NT5E: variants seen among roughly 807,000 people sequenced by gnomAD.
NT5E encodes 5'-nucleotidase.
NT5E carries 53 observed loss-of-function variants against 55.1 expected under a neutral mutation model. The ratio of observed to expected loss-of-function variants is 0.96; its 90% CI spans 0.77 to 1.21. NT5E has a LOEUF of 1.21. Ranked by LOEUF, NT5E falls within the 50% of genes most tolerant of loss-of-function variation. The pLI is 0.00. For synonymous variants in NT5E, 270 were observed against 278.4 expected (o/e 0.97, Z 0.30); for missense variants, 683 against 724.3 (o/e 0.94, Z 0.65).
At chr6:85,484,530 G>A (rs1018124662) in intron 3 of NT5E, among the ~76,000 whole-genome samples, 1 of 152,240 alleles carries the variant, frequency 6.6e-6, no homozygotes, top group East Asian at 1.9e-4. Context: ...GGGCTGGCTG[G>A]GGTCAGGAGT....
intron 1 of NT5E, among the ~76,000 whole-genome samples, chr6:85,454,861 A>G (rs1391277052): frequency 6.6e-6 from 1 of 152,212 alleles, no homozygotes; most frequent in East Asian, 1.9e-4. Context: ...CCTCATCTAT[A>G]AAATAGAAGT....
At chr6:85,469,470 G>A (rs1453689788) in intron 2 of NT5E, among the ~76,000 whole-genome samples, 2 of 152,286 alleles carry the variant, frequency 1.3e-5, no homozygotes, top group African/African-American at 4.8e-5. Flanking sequence ...CAATAAATGA[G>A]TAAATGGTTT....
At chr6:85,478,094 T>C (rs1769472668) in intron 3 of NT5E, among the ~76,000 whole-genome samples, 1 of 152,158 alleles carries the variant, frequency 6.6e-6, no homozygotes. Context: ...AGAACTTATT[T>C]GTACTGGTGG....
intron 2 of NT5E, among the ~76,000 whole-genome samples, chr6:85,469,287 A>G (rs1001190737): frequency 6.6e-6 from 1 of 151,818 alleles, no homozygotes; most frequent in Non-Finnish European, 1.5e-5. Context: ...ATTTCTCTGA[A>G]TTTTTTTTCC....
At chr6:85,491,196 A>ATGGACTG in intron 7 of NT5E, 1 of 443,362 alleles carries the variant, frequency 2.3e-6, no homozygotes, top group East Asian at 6.8e-5. Flanking sequence ...TGTTTATCTC[A>ATGGACTG]TGGACTGCAG....
chr6:85,458,082 C>T (rs1769022300), intron 1 of NT5E, among the ~76,000 whole-genome samples: 2 of 152,136 alleles, frequency 1.3e-5, no homozygotes, highest in South Asian at 4.1e-4. Context: ...AGAAGAGAGA[C>T]AAGTGCTTAC....
intron 3 of NT5E, among the ~76,000 whole-genome samples, chr6:85,476,344 G>C (rs933385917): frequency 3.9e-5 from 6 of 152,202 alleles, no homozygotes; most frequent in Non-Finnish European, 8.8e-5. Flanking sequence ...GGGTTGTCTT[G>C]TTTACTCATC....
intron 1 of NT5E, among the ~76,000 whole-genome samples, chr6:85,465,259 A>G (rs999301024): frequency 2.6e-5 from 4 of 152,218 alleles, no homozygotes; most frequent in Non-Finnish European, 5.9e-5. Flanking sequence ...CTATAACTTC[A>G]GTTATTGCCA....
rs1769862329 is a variant in NT5E, at chr6:85,495,021, T to G, written c.*1017T>G. 1 of 152,230 alleles carries G rather than the reference T, an allele frequency of 6.6e-6. No individual in the cohort carries two copies. Among genetic ancestry groups the G allele is most frequent in the African/African-American group, 2.4e-5 (1 of 41,464 alleles). 9.4% of individuals were successfully genotyped at this position (152,230 alleles called of 1,614,324 possible). A position where few individuals can be genotyped will look rare whatever the true frequency, so the allele number is the denominator to read the frequency against. On this transcript the variant is annotated 3_prime_UTR_variant, in exon 9 of 9. Coordinates refer to ENST00000257770, the MANE Select transcript of NT5E (RefSeq NM_002526.4). ...ATCATGAGAAGAGAACCTTCTAACA[T>G]AAGCTGTAATTCTAAACCTGCACTT...
In NT5E at chr6:85,489,605, C is replaced by T. The variant is rs200096258; in HGVS notation, c.1210+6C>T. The T allele has an allele frequency of 1.2e-4, 184 of 1,595,902 alleles. No homozygotes were observed. The Middle Eastern group carries it at 3.5e-3, about 30-fold the overall frequency. On this transcript the variant is annotated splice_donor_region_variant and intron_variant, in intron 6 of 8. Coordinates refer to ENST00000257770, the MANE Select transcript of NT5E (RefSeq NM_002526.4). The stretch of plus-strand genomic sequence containing the variant: ...CATTGATGAACGCAACAATGGTATG[C>T]TCCCAGGCCCAGCTCCTCAGTGTGT...
chr6:85,486,489 GCCC>G (rs879286374), intron 4 of NT5E, among the ~76,000 whole-genome samples: 1 of 151,470 alleles, frequency 6.6e-6, no homozygotes, highest in Non-Finnish European at 1.5e-5. Flanking sequence ...ATATGGACAG[GCCC>G]CCCCCATGCG....
chr6:85,468,949 G>A lies in NT5E; in HGVS notation c.562+1667G>A, dbSNP rs536840993. On this transcript the variant is annotated intron_variant, in intron 2 of 8. Coordinates refer to ENST00000257770, the MANE Select transcript of NT5E (RefSeq NM_002526.4). ...CATTTTGCAGGGCCCAGTGTGGGGG[G>A]AAAGGGATGGGGTGGAATAGAATGT... Among the ~76,000 whole-genome samples, 179 of 152,256 alleles carry A rather than the reference G, an allele frequency of 1.2e-3. 1 individual carries two copies. The highest frequency in any genetic ancestry group is 4.0e-3 in the African/African-American group (167 of 41,550).
At chr6:85,465,646 C>T (rs1172595114) in intron 1 of NT5E, among the ~76,000 whole-genome samples, 1 of 152,220 alleles carries the variant, frequency 6.6e-6, no homozygotes, top group East Asian at 1.9e-4. Flanking sequence ...ATTGTGCTTT[C>T]TCTGCACAAA....
At chr6:85,453,924 C>G (rs1768940741) in intron 1 of NT5E, among the ~76,000 whole-genome samples, 1 of 152,156 alleles carries the variant, frequency 6.6e-6, no homozygotes, top group Non-Finnish European at 1.5e-5. Context: ...CTTTCAAAAC[C>G]TTTGTGTGCT....
chr6:85,487,109 G>T (rs562121670), intron 4 of NT5E, among the ~76,000 whole-genome samples: 15 of 152,302 alleles, frequency 9.8e-5, no homozygotes, highest in African/African-American at 3.4e-4. Context: ...GTGATGAGCT[G>T]GTAGATGTTC....
Position 85,475,319 on chromosome 6 carries a change from T to C in NT5E, c.751+3894T>C, listed in dbSNP as rs1265934129. On this transcript the variant is annotated intron_variant, in intron 3 of 8. Transcript: ENST00000257770. Reference sequence around the variant, plus strand: ...ATTTTATTGTATTGTAGCTTGCTCATATTTTTTTAAAACTCAGCTTCAAAT... The same window carrying C: ...ATTTTATTGTATTGTAGCTTGCTCACATTTTTTTAAAACTCAGCTTCAAAT... Among the ~76,000 whole-genome samples, 6 of 152,214 alleles carry C rather than the reference T, an allele frequency of 3.9e-5. No individual in the cohort carries two copies. In the East Asian group the frequency reaches 1.2e-3, roughly 29 times the overall value.
intron 1 of NT5E, among the ~76,000 whole-genome samples, chr6:85,460,723 C>T (rs969868334): frequency 5.9e-5 from 9 of 152,034 alleles, no homozygotes; most frequent in African/African-American, 1.4e-4. Context: ...TGAATGCTGC[C>T]GTTGGTATTG....
At chr6:85,461,524 T>C (rs1769097998) in intron 1 of NT5E, among the ~76,000 whole-genome samples, 1 of 152,214 alleles carries the variant, frequency 6.6e-6, no homozygotes, top group Non-Finnish European at 1.5e-5. Flanking sequence ...GGCTGCTTTC[T>C]TAACTGGGAA....
In NT5E at chr6:85,460,507, G is replaced by A. The variant is rs377539461; in HGVS notation, c.340-6553G>A. Among the ~76,000 whole-genome samples, 24 of 152,230 alleles carry A rather than the reference G, an allele frequency of 1.6e-4. No individual in the cohort carries two copies. The East Asian group carries it at 3.5e-3, about 22-fold the overall frequency. On this transcript the variant is annotated intron_variant, in intron 1 of 8. Coordinates refer to ENST00000257770, the MANE Select transcript of NT5E (RefSeq NM_002526.4). ...AGAGGTAATACTTTTAGATAAAGAG[G>A]GAAGAATCCTTCTGACTTTTCTCTT...
Sources: gnomAD v4.1 joint callset for allele counts (sites outside exome capture counted in the v4.1 genomes callset) on GRCh38, gnomAD v4.1.1 for gene constraint, MANE v1.5 for transcripts, NCBI Gene and HGNC (gene_info 2026-07-23, HGNC 2026-07-21) for gene names.